The following PRKAR1A variants were observed in gnomAD, a reference collection of about 807,000 sequenced individuals.
PRKAR1A encodes the protein protein kinase cAMP-dependent type I regulatory subunit alpha.
Under a neutral mutation model 52.0 loss-of-function variants are expected in PRKAR1A, and 3 were observed. That is an observed-to-expected ratio of 0.06 (90% CI 0.03 to 0.15). The LOEUF is 0.15. PRKAR1A is among the 10% of genes least tolerant of loss of function. The probability of loss-of-function intolerance (pLI) is 1.00; values close to 1 mark genes in which losing one functional copy is unlikely to be tolerated. For missense variants in PRKAR1A, 240 were observed against 477.4 expected (o/e 0.50, Z 4.63); for synonymous variants, 188 against 168.4 (o/e 1.12, Z -0.90).
intron 11 of PRKAR1A, chr17:68,540,891 G>T: frequency 6.2e-7 from 1 of 1,605,460 alleles, no homozygotes; most frequent in Non-Finnish European, 8.5e-7. Flanking sequence ...ACATTGAGGA[G>T]CCGCTGGCTG....
the PRKAR1A span, among the ~76,000 whole-genome samples, chr17:68,452,555 A>T: frequency 6.6e-6 from 1 of 152,082 alleles, no homozygotes; most frequent in Non-Finnish European, 1.5e-5. Context: ...ATAGAGCAAG[A>T]CTCCATCTCA....
At chr17:68,485,897 C>A in the PRKAR1A span, among the ~76,000 whole-genome samples, 1 of 152,078 alleles carries the variant, frequency 6.6e-6, no homozygotes, top group Non-Finnish European at 1.5e-5. Flanking sequence ...TGCCACCATG[C>A]CTGGCTAATT....
intron 2 of PRKAR1A, among the ~76,000 whole-genome samples, chr17:68,518,751 C>T (rs866245633): frequency 2.8e-4 from 42 of 152,330 alleles, no homozygotes; most frequent in Middle Eastern, 6.8e-3. Flanking sequence ...TGAATTTCTG[C>T]GGCAGGCTTG....
intron 1 of PRKAR1A, chr17:68,515,054 T>A (rs1354581963): frequency 6.1e-6 from 2 of 330,360 alleles, no homozygotes; most frequent in Non-Finnish European, 1.2e-5. Context: ...TCATCATGAT[T>A]TCTTTTGAGG....
At chr17:68,435,677 T>C in the PRKAR1A span, 2 of 1,614,216 alleles carry the variant, frequency 1.2e-6, no homozygotes, top group Non-Finnish European at 1.7e-6. Context: ...TGGCAGCTAG[T>C]GTTCCCTCAT....
At chr17:68,549,494 CAAA>C (rs34993560) in intron 11 of PRKAR1A, among the ~76,000 whole-genome samples, 9 of 126,932 alleles carry the variant, frequency 7.1e-5, no homozygotes, top group African/African-American at 8.8e-5. Flanking sequence ...AACTCCATCT[CAAA>C]AAAAAAAAAA....
Position 68,544,542 on chromosome 17 carries a change from C to T in PRKAR1A, c.974-6542C>T, listed in dbSNP as rs549120159. ...TGGGACTGTTGAAACGACTGCAAGGCGATTTAGATGTAAATAAACGTGATG... is the reference window on the plus strand; with the variant it reads ...TGGGACTGTTGAAACGACTGCAAGGTGATTTAGATGTAAATAAACGTGATG... On this transcript the variant is annotated intron_variant, in intron 11 of 11. Coordinates refer to the PRKAR1A transcript ENST00000585981. 5.3e-5 allele frequency among the ~76,000 whole-genome samples: 8 copies of T among 152,160 alleles called. No homozygotes were observed. In the East Asian group the frequency reaches 1.5e-3, roughly 29 times the overall value.
At chr17:68,427,323 G>A in the PRKAR1A span, 4 of 1,184,036 alleles carry the variant, frequency 3.4e-6, no homozygotes, top group Non-Finnish European at 5.0e-6. Context: ...CCTTCCAAAG[G>A]AAAAGCATGA....
At chr17:68,542,153 C>A in intron 11 of PRKAR1A, 1 of 1,613,956 alleles carries the variant, frequency 6.2e-7, no homozygotes, top group South Asian at 1.1e-5. Context: ...GGCGAAGAAG[C>A]ACACGTTGCT....
chr17:68,432,348 C>A, the PRKAR1A span, among the ~76,000 whole-genome samples: 11 of 152,210 alleles, frequency 7.2e-5, no homozygotes, highest in African/African-American at 2.7e-4. Flanking sequence ...CTTTCTCCAA[C>A]TGGTGGCAGA....
chr17:68,542,023 G>C, intron 11 of PRKAR1A: 2 of 1,614,116 alleles, frequency 1.2e-6, no homozygotes, highest in East Asian at 2.2e-5. Flanking sequence ...GGATCCAGGG[G>C]TTGGGCACAG....
the PRKAR1A span, chr17:68,434,421 T>G: frequency 2.4e-6 from 2 of 822,390 alleles, no homozygotes; most frequent in South Asian, 3.6e-5. Context: ...GTCAATTACC[T>G]GGGAGAGTAG....
At chr17:68,536,550 G>C (rs1382389033), downstream of PRKAR1A, 2 of 454,048 alleles carry the variant, frequency 4.4e-6, no homozygotes, top group Admixed American at 4.7e-5. Context: ...GGCATCTAGA[G>C]GGCCTCACCT....
the PRKAR1A span, among the ~76,000 whole-genome samples, chr17:68,429,767 T>C: frequency 1.3e-5 from 2 of 152,160 alleles, no homozygotes; most frequent in Non-Finnish European, 2.9e-5. Context: ...TTTTGTATTT[T>C]TAGTAGAGAC....
the PRKAR1A span, among the ~76,000 whole-genome samples, chr17:68,463,058 C>A: frequency 6.6e-6 from 1 of 152,076 alleles, no homozygotes; most frequent in Non-Finnish European, 1.5e-5. Flanking sequence ...GAGTGGTAAT[C>A]ATTCTCTAGA....
chr17:68,537,232 G>A (rs2086119870), downstream of PRKAR1A: 1 of 658,964 alleles, frequency 1.5e-6, no homozygotes, highest in Non-Finnish European at 2.8e-6. The surrounding 1 kb of genome is among the most constrained non-coding windows in gnomAD (Gnocchi z 4.2). Flanking sequence ...GAGATCGTCG[G>A]TGGCCTTGAT....
the PRKAR1A span, among the ~76,000 whole-genome samples, chr17:68,416,250 T>C: frequency 2.0e-5 from 3 of 152,208 alleles, no homozygotes; most frequent in African/African-American, 4.8e-5. Context: ...TCTCAGCATT[T>C]GTTTGTATCC....
At chr17:68,465,685 T>C in the PRKAR1A span, among the ~76,000 whole-genome samples, 1 of 137,254 alleles carries the variant, frequency 7.3e-6, no homozygotes, top group Non-Finnish European at 1.6e-5. Flanking sequence ...GCCAGGCTGG[T>C]CTCGAACTCC....
At chr17:68,516,914 A>G (rs1262463629) in intron 2 of PRKAR1A, among the ~76,000 whole-genome samples, 1 of 152,218 alleles carries the variant, frequency 6.6e-6, no homozygotes, top group Non-Finnish European at 1.5e-5. Flanking sequence ...GAAATGGGTC[A>G]CTGTAAGGTG....
Sources: gnomAD v4.1 joint callset for allele counts (sites outside exome capture counted in the v4.1 genomes callset) on GRCh38, gnomAD v4.1.1 for gene constraint, Gnocchi (gnomAD v3.1) non-coding constraint, MANE v1.5 for transcripts, NCBI Gene and HGNC (gene_info 2026-07-23, HGNC 2026-07-21) for gene names.